Variants in EEF2K observed in about 807,000 individuals in gnomAD.
EEF2K encodes the protein eukaryotic elongation factor 2 kinase, also known as alternative protein EEF2K.
Under a neutral mutation model 93.8 loss-of-function variants are expected in EEF2K, and 70 were observed. The observed-to-expected ratio is 0.75, with a 90% CI of 0.62 to 0.91. The LOEUF (loss-of-function observed/expected upper bound fraction) is 0.91. Among genes scored for constraint, EEF2K ranks in the 40% least tolerant of loss-of-function variants. The pLI, the probability that EEF2K is intolerant of heterozygous loss-of-function variation, is 0.00. For missense variants in EEF2K, 935 were observed against 972.9 expected (o/e 0.96, Z 0.52); for synonymous variants, 376 against 380.8 (o/e 0.99, Z 0.15).
At chr16:22,262,858 G>A (rs538195753) in intron 11 of EEF2K, among the ~76,000 whole-genome samples, 5 of 152,168 alleles carry the variant, frequency 3.3e-5, no homozygotes, top group Non-Finnish European at 5.9e-5. Context: ...GGTCCTTACT[G>A]TTACCTTATA....
intron 9 of EEF2K, among the ~76,000 whole-genome samples, chr16:22,258,191 C>T (rs1598193286): frequency 1.3e-5 from 2 of 152,204 alleles, no homozygotes; most frequent in Admixed American, 1.3e-4. Flanking sequence ...GTTGCAAAGA[C>T]CAGCTTGGGA....
At chr16:22,207,971 T>C (rs1471711894) in intron 1 of EEF2K, among the ~76,000 whole-genome samples, 1 of 152,154 alleles carries the variant, frequency 6.6e-6, no homozygotes, top group Non-Finnish European at 1.5e-5. Context: ...GTGTCTTCCT[T>C]CTGTGTGGCC....
At chr16:22,253,951 T>G (rs980423999) in intron 6 of EEF2K, among the ~76,000 whole-genome samples, 1 of 151,816 alleles carries the variant, frequency 6.6e-6, no homozygotes, top group African/African-American at 2.4e-5. Flanking sequence ...AATACAAAAT[T>G]AGCTGGGCAT....
intron 14 of EEF2K, 45 bp downstream of exon 14, chr16:22,266,569 A>G (rs772257853): frequency 1.2e-6 from 2 of 1,609,120 alleles, no homozygotes; most frequent in South Asian, 2.2e-5. Context: ...ACTAACCTGG[A>G]GCCCCCCAGC....
At chr16:22,246,073 A>C (rs2047287776) in intron 3 of EEF2K, among the ~76,000 whole-genome samples, 1 of 152,168 alleles carries the variant, frequency 6.6e-6, no homozygotes, top group Admixed American at 6.5e-5. Context: ...TGCTGATCGC[A>C]AGCCCGAAGT....
At chr16:22,249,559 TA>T (rs1375432175) in intron 4 of EEF2K, among the ~76,000 whole-genome samples, 1 of 152,054 alleles carries the variant, frequency 6.6e-6, no homozygotes, top group Non-Finnish European at 1.5e-5. Flanking sequence ...TCTATCACCC[TA>T]GATTACTTTT....
chr16:22,271,031 A>G (rs1366678019), intron 15 of EEF2K, among the ~76,000 whole-genome samples: 1 of 146,312 alleles, frequency 6.8e-6, no homozygotes, highest in African/African-American at 2.6e-5. Context: ...GTGCAGTGGC[A>G]TGATCTTGGC....
At chr16:22,280,687 C>T (rs529854583) in intron 17 of EEF2K, among the ~76,000 whole-genome samples, 9 of 125,346 alleles carry the variant, frequency 7.2e-5, no homozygotes, top group African/African-American at 2.8e-4. Context: ...TTTTTTGAGA[C>T]GGAGTCTCGC....
At chr16:22,269,617 G>T (rs1037386754) in intron 15 of EEF2K, among the ~76,000 whole-genome samples, 1 of 152,000 alleles carries the variant, frequency 6.6e-6, no homozygotes, top group African/African-American at 2.4e-5. Context: ...GGCCAGGCTG[G>T]TCTTGAACTC....
chr16:22,278,560 C>T (rs1019615693), intron 16 of EEF2K, among the ~76,000 whole-genome samples: 2 of 152,074 alleles, frequency 1.3e-5, no homozygotes, highest in Admixed American at 6.6e-5. Flanking sequence ...AACAGGAGAC[C>T]GTCCTGGAGG....
intron 1 of EEF2K, among the ~76,000 whole-genome samples, chr16:22,207,346 G>C (rs897519263): frequency 3.9e-5 from 6 of 152,248 alleles, no homozygotes; most frequent in African/African-American, 1.4e-4. Context: ...TCTGCCCAGG[G>C]GGACGGTCCC....
chr16:22,251,310 G>C lies in EEF2K; in HGVS notation c.606G>C (p.Lys202Asn). The C allele has an allele frequency of 6.2e-7, 1 of 1,613,984 alleles. No individual in the cohort carries two copies. The highest frequency in any genetic ancestry group is 8.5e-7 in the Non-Finnish European group (1 of 1,179,936). The change falls in exon 6 of 18, where the codon AAG (lysine) becomes AAC (asparagine). Residue 202 changes from lysine (K) to asparagine (N), a missense_variant. Physicochemically the swap from Lys to Asn is moderately conservative, Grantham distance 94. Transcript: ENST00000263026. ...KLWGEEYNRHKPPKQVDIMQM... is the reference protein window; with the variant it reads ...KLWGEEYNRHNPPKQVDIMQM... ...GGGGGGAGGAGTATAATCGGCACAA[G>C]CCCCCCAAGCAGGTGCGTGGCCCCA...
At chr16:22,258,788 A>T in intron 10 of EEF2K, 93 bp downstream of exon 10, 2 of 1,529,778 alleles carry the variant, frequency 1.3e-6, no homozygotes, top group Non-Finnish European at 1.8e-6. Context: ...AAAATCAGAC[A>T]TGCTAATCGA....
At position 22,256,802 on chromosome 16, in the gene EEF2K, C is replaced by T; in HGVS notation, c.673C>T (p.Leu225Phe). 1 of 1,614,218 alleles carries T rather than the reference C, an allele frequency of 6.2e-7. No individual in the cohort carries two copies. Among genetic ancestry groups the T allele is most frequent in the South Asian group, 1.1e-5 (1 of 91,084 alleles). The change falls in exon 7 of 18, where the codon CTC becomes TTC. Residue 225 changes from leucine to phenylalanine, a missense_variant. Coordinates refer to ENST00000263026, the MANE Select transcript of EEF2K (RefSeq NM_013302.5). Reference protein sequence around the residue: ...IELKDRPGKPLFHLEHYIEGK... With the variant: ...IELKDRPGKPFFHLEHYIEGK... ...GCTGAAGGACAGACCGGGCAAGCCCCTCTTCCACCTGGAGCACTACATCGA... is the reference window on the plus strand; with the variant it reads ...GCTGAAGGACAGACCGGGCAAGCCCTTCTTCCACCTGGAGCACTACATCGA...
chr16:22,263,086 C>T (rs778817457), intron 11 of EEF2K, 24 bp from the exon 12 acceptor site: 3 of 1,607,384 alleles, frequency 1.9e-6, no homozygotes, highest in African/African-American at 2.7e-5. Context: ...CCACCAGGAC[C>T]CTAAGGCCGT....
rs118120368 is a variant in EEF2K, at chr16:22,287,071, C to A, written c.*3075C>A. On this transcript the variant is annotated 3_prime_UTR_variant, in exon 18 of 18. Coordinates refer to ENST00000263026, the MANE Select transcript of EEF2K (RefSeq NM_013302.5). ...CCTTCTGAGCTAGGAGAACTTATTCCACCTTCAAAACCTAGTTTGGGCTGG... is the reference window on the plus strand; with the variant it reads ...CCTTCTGAGCTAGGAGAACTTATTCAACCTTCAAAACCTAGTTTGGGCTGG... 0.019 allele frequency: 2,871 copies of A among 152,342 alleles called. 52 individuals carry two copies. The highest frequency in any genetic ancestry group is 0.047 in the Middle Eastern group (14 of 296). The allele number at this position is 152,342 out of a possible 1,614,324, so 9.4% of individuals were successfully genotyped here.
Position 22,266,752 on chromosome 16 carries a change from A to C in EEF2K, c.1640A>C (p.Asp547Ala). 6.2e-7 allele frequency: 1 copy of C among 1,614,164 alleles called. No individual in the cohort carries two copies. The highest frequency in any genetic ancestry group is 8.5e-7 in the Non-Finnish European group (1 of 1,180,026). ...GRFCEKGEEW[D>A]QESAVFHLEH... is the part of the protein sequence containing the mutation. ...TTCTGCGAGAAGGGCGAGGAGTGGG[A>C]CCAGGAGTCGGCTGTCTTCCACCTG... Residue 547 changes from aspartate (D) to alanine (A), a missense_variant, in exon 15 of 18, where the codon GAC becomes GCC. Coordinates refer to ENST00000263026, the MANE Select transcript of EEF2K (RefSeq NM_013302.5).
intron 3 of EEF2K, among the ~76,000 whole-genome samples, chr16:22,247,123 C>T (rs555162472): frequency 6.0e-5 from 9 of 149,406 alleles, no homozygotes; most frequent in Non-Finnish European, 1.3e-4. Context: ...CCCCTTTTTC[C>T]CAAAGCCAGC....
At chr16:22,276,463 C>A (rs541593245) in intron 16 of EEF2K, among the ~76,000 whole-genome samples, 126 of 152,232 alleles carry the variant, frequency 8.3e-4, no homozygotes, top group Non-Finnish European at 1.4e-3. Context: ...CAACCCCACC[C>A]ATGCAAAGAA....
Sources: gnomAD v4.1 joint callset for allele counts (sites outside exome capture counted in the v4.1 genomes callset) on GRCh38, gnomAD v4.1.1 for gene constraint, MANE v1.5 for transcripts, NCBI Gene and HGNC (gene_info 2026-07-23, HGNC 2026-07-21) for gene names.